DPP10: variants seen among roughly 807,000 people sequenced by gnomAD.
The protein encoded by DPP10 is inactive dipeptidyl peptidase 10.
Under a neutral mutation model 120.9 loss-of-function variants are expected in DPP10, and 33 were observed. The observed-to-expected ratio is 0.27, with a 90% CI of 0.21 to 0.37. The LOEUF (loss-of-function observed/expected upper bound fraction) is 0.37, where lower values mean the gene tolerates loss of function less well. DPP10 is among the 10% of genes least tolerant of loss of function. The pLI, the probability that DPP10 is intolerant of heterozygous loss-of-function variation, is 1.00. For missense variants in DPP10, 816 were observed against 942.8 expected, an observed-to-expected ratio of 0.87 and a Z score of 1.76; for synonymous variants, 337 against 326.1, an observed-to-expected ratio of 1.03 and a Z score of -0.36.
At chr2:115,683,493 A>G (rs775914898) in intron 5 of DPP10, among the ~76,000 whole-genome samples, 5 of 151,724 alleles carry the variant, frequency 3.3e-5, no homozygotes, top group Non-Finnish European at 5.9e-5. Context: ...TAAATTATGG[A>G]CTCTGGGTGA....
At chr2:114,588,617 C>T (rs1691194979) in intron 1 of DPP10, among the ~76,000 whole-genome samples, 1 of 151,888 alleles carries the variant, frequency 6.6e-6, no homozygotes, top group African/African-American at 2.4e-5. Context: ...CTATGTATAC[C>T]ATAAATATGT....
chr2:115,095,098 A>G (rs766484572), intron 1 of DPP10, among the ~76,000 whole-genome samples: 7 of 152,194 alleles, frequency 4.6e-5, no homozygotes, highest in Non-Finnish European at 8.8e-5. Context: ...AGACAAGGTG[A>G]TTAGACAGAT....
At chr2:114,866,602 T>C (rs1396465858) in intron 1 of DPP10, among the ~76,000 whole-genome samples, 2 of 152,210 alleles carry the variant, frequency 1.3e-5, no homozygotes, top group Non-Finnish European at 2.9e-5. Flanking sequence ...TATTTAATAG[T>C]CAAGGCAGCT....
intron 3 of DPP10, among the ~76,000 whole-genome samples, chr2:115,402,436 A>C (rs2068138245): frequency 6.6e-6 from 1 of 152,114 alleles, no homozygotes; most frequent in South Asian, 2.1e-4. Context: ...TCAGTAAACA[A>C]ATCAGAAATG....
intron 4 of DPP10, among the ~76,000 whole-genome samples, chr2:115,521,478 T>C (rs1262005973): frequency 6.6e-6 from 1 of 152,208 alleles, no homozygotes; most frequent in East Asian, 1.9e-4. Flanking sequence ...CCTCAAAATA[T>C]GCCTGTTTTT....
At chr2:115,343,972 A>G (rs1198687952) in intron 3 of DPP10, 60 bp downstream of exon 3, 1 of 1,398,140 alleles carries the variant, frequency 7.2e-7, no homozygotes, top group Non-Finnish European at 9.8e-7. Context: ...TTAAAATTTT[A>G]AAAAATGAGA....
chr2:115,816,618 T>C (rs1183164665), intron 21 of DPP10, among the ~76,000 whole-genome samples: 2 of 88,892 alleles, frequency 2.2e-5, no homozygotes, highest in East Asian at 3.5e-4. Flanking sequence ...TTTTTTGTTT[T>C]GTTTTTTTTT....
chr2:114,808,688 C>T (rs1477515116), intron 1 of DPP10, among the ~76,000 whole-genome samples: 2 of 152,010 alleles, frequency 1.3e-5, no homozygotes, highest in African/African-American at 4.8e-5. Flanking sequence ...TGCCATAAGG[C>T]TGCAGCCTCA....
At chr2:114,649,818 T>G (rs1198776652) in intron 1 of DPP10, among the ~76,000 whole-genome samples, 1 of 101,262 alleles carries the variant, frequency 9.9e-6, no homozygotes, top group South Asian at 2.6e-4. Context: ...ATTTAGTAGT[T>G]TTTTTTTCAT....
rs1015060000 is a variant in DPP10, at chr2:115,381,119, A to G, written c.271+37207A>G. On this transcript the variant is annotated intron_variant, in intron 3 of 25. Coordinates refer to ENST00000410059, the MANE Select transcript of DPP10 (RefSeq NM_020868.6). ...TGGCCTGCCTTGCTAAATTGGGGAA[A>G]TTCTCCTGGATAATATCCTGCAGAG... is the stretch of plus-strand genomic sequence containing the variant. Among the ~76,000 whole-genome samples, 6 of 151,982 alleles carry G rather than the reference A, an allele frequency of 3.9e-5. No individual in the cohort carries two copies. In the South Asian group the frequency reaches 8.3e-4, roughly 21 times the overall value.
chr2:115,494,991 T>A (rs1336515361), intron 3 of DPP10, among the ~76,000 whole-genome samples: 1 of 152,172 alleles, frequency 6.6e-6, no homozygotes, highest in Non-Finnish European at 1.5e-5. Flanking sequence ...ATATGGTGAC[T>A]TTTTATTGTT....
At chr2:115,152,003 AC>A (rs2051592581) in intron 1 of DPP10, among the ~76,000 whole-genome samples, 1 of 150,030 alleles carries the variant, frequency 6.7e-6, no homozygotes, top group African/African-American at 2.5e-5. Context: ...CTCTTTTTCT[AC>A]TTCTGATTAA....
chr2:114,760,134 C>A (rs1194820988), intron 1 of DPP10, among the ~76,000 whole-genome samples: 1 of 152,180 alleles, frequency 6.6e-6, no homozygotes, highest in African/African-American at 2.4e-5. Context: ...CCATTGCTGG[C>A]CCACCCAGAT....
chr2:114,504,212 C>G (rs1038869687), intron 1 of DPP10, among the ~76,000 whole-genome samples: 2 of 152,142 alleles, frequency 1.3e-5, no homozygotes, highest in African/African-American at 4.8e-5. Flanking sequence ...CAATAGCCTT[C>G]TATTTAGTCT....
Position 114,698,884 on chromosome 2 carries a change from C to T in DPP10, c.60+256046C>T, listed in dbSNP as rs192930389. Among the ~76,000 whole-genome samples the T allele has an allele frequency of 1.6e-3, 251 of 152,196 alleles. 2 individuals carry two copies. The highest frequency in any genetic ancestry group is 3.1e-3 in the Non-Finnish European group (214 of 67,976). ...ACTGTCTGTATAGTCAGGCACCTTT[C>T]CCAAAGTAATAATTTGAAATAAAGA... On this transcript the variant is annotated intron_variant, in intron 1 of 25. Coordinates refer to ENST00000410059, the MANE Select transcript of DPP10 (RefSeq NM_020868.6).
intron 1 of DPP10, among the ~76,000 whole-genome samples, chr2:114,459,457 C>T (rs1678753552): frequency 6.6e-6 from 1 of 152,164 alleles, no homozygotes; most frequent in Non-Finnish European, 1.5e-5. Context: ...GGTCTACTTA[C>T]AGAGACTGGT....
At chr2:114,743,102 G>A (rs1156409099) in intron 1 of DPP10, among the ~76,000 whole-genome samples, 1 of 152,162 alleles carries the variant, frequency 6.6e-6, no homozygotes, top group Non-Finnish European at 1.5e-5. Flanking sequence ...AAAGACAAAA[G>A]CAAGGTAATA....
intron 21 of DPP10, among the ~76,000 whole-genome samples, chr2:115,825,294 C>G (rs1206709857): frequency 6.6e-6 from 1 of 152,146 alleles, no homozygotes; most frequent in Non-Finnish European, 1.5e-5. Flanking sequence ...TTATTAAGCC[C>G]TATTCAGGTG....
chr2:115,841,359 A>G (rs953708120), intron 25 of DPP10, among the ~76,000 whole-genome samples: 5 of 152,290 alleles, frequency 3.3e-5, no homozygotes, highest in Admixed American at 6.5e-5. Context: ...TTTAATATAT[A>G]TTTATCAAGG....
Sources: allele counts gnomAD v4.1 joint callset (sites outside exome capture counted in the v4.1 genomes callset), GRCh38; gene constraint gnomAD v4.1.1; transcripts MANE v1.5; gene names NCBI Gene and HGNC (gene_info 2026-07-23, HGNC 2026-07-21).